The following TDRD1 variants were observed in gnomAD, a reference collection of about 807,000 sequenced individuals.
The protein encoded by TDRD1 is tudor domain-containing protein 1.
In TDRD1, 37 loss-of-function variants were observed where a neutral mutation model predicts 140.6. The observed-to-expected ratio is 0.26, with a 90% CI of 0.20 to 0.35. The LOEUF (loss-of-function observed/expected upper bound fraction) is 0.35, where lower values mean the gene tolerates loss of function less well. Among genes scored for constraint, TDRD1 ranks in the 10% least tolerant of loss-of-function variants. The pLI, the probability that TDRD1 is intolerant of heterozygous loss-of-function variation, is 1.00. For synonymous variants in TDRD1, 506 were observed against 475.7 expected (o/e 1.06, Z -0.83); for missense variants, 1,243 against 1,393.0 (o/e 0.89, Z 1.71).
chr10:114,227,671 C>G (rs570651404), intron 23 of TDRD1, among the ~76,000 whole-genome samples: 4 of 152,196 alleles, frequency 2.6e-5, no homozygotes, highest in Non-Finnish European at 4.4e-5. Flanking sequence ...ATTTGACAGA[C>G]CTGGCCTCAA....
intron 15 of TDRD1, 142 bp from the exon 16 acceptor site, chr10:114,213,835 C>G: frequency 2.7e-6 from 2 of 748,910 alleles, no homozygotes; most frequent in Non-Finnish European, 2.1e-6. Context: ...TATTGTAAGA[C>G]TGACTTTACG....
intron 11 of TDRD1, among the ~76,000 whole-genome samples, chr10:114,209,405 C>T (rs2035339080): frequency 6.6e-6 from 1 of 152,188 alleles, no homozygotes; most frequent in Non-Finnish European, 1.5e-5. Flanking sequence ...CAGTTTAGTG[C>T]TCTTTCCACC....
rs1183488256 is a variant in TDRD1, at chr10:114,227,935, C to T, written c.3429C>T (p.Cys1143=). The T allele has an allele frequency of 1.9e-6, 3 of 1,613,694 alleles. No homozygotes were observed. The Admixed American group carries it at 5.0e-5, about 27-fold the overall frequency. Residue 1143 remains cysteine (C), a synonymous_variant, in exon 24 of 26, where the codon TGC becomes TGT. Coordinates refer to ENST00000251864, the Ensembl canonical transcript of TDRD1. ...AAAAGATGTATAGGATGAATTGCTG[C>T]TGCACAGAGTTACAGAAACAAGTAG...
rs777657759 is a variant in TDRD1 at position 114,203,196 on chromosome 10, C to T, written c.801+20C>T. 1.9e-6 allele frequency: 3 copies of T among 1,566,786 alleles called. No homozygotes were observed. Among genetic ancestry groups the T allele is most frequent in the South Asian group, 1.1e-5 (1 of 89,900 alleles). On this transcript the variant is annotated intron_variant, in intron 7 of 25. Transcript: ENST00000251864. ...ATAAAGGTATTTGTTTTTCTTCAATCTCCATAGACACAGATCCAGAGAACT... is the reference window on the plus strand; with the variant it reads ...ATAAAGGTATTTGTTTTTCTTCAATTTCCATAGACACAGATCCAGAGAACT...
intron 18 of TDRD1, 112 bp from the exon 19 acceptor site, chr10:114,220,456 T>G: frequency 1.4e-6 from 1 of 691,796 alleles, no homozygotes; most frequent in Non-Finnish European, 2.5e-6. Flanking sequence ...TTGAAGATAC[T>G]GAGAATTGCT....
chr10:114,193,621 A>G (rs544299643), intron 3 of TDRD1, among the ~76,000 whole-genome samples: 2 of 152,006 alleles, frequency 1.3e-5, no homozygotes, highest in Non-Finnish European at 2.9e-5. Context: ...GATCCCTTGC[A>G]GTTTTCTACA....
intron 8 of TDRD1, 127 bp downstream of exon 8, chr10:114,203,694 C>T (rs2034914711): frequency 1.3e-6 from 1 of 795,308 alleles, no homozygotes; most frequent in Non-Finnish European, 1.9e-6. Context: ...TTCTATTCCT[C>T]TTCAGTATCC....
intron 3 of TDRD1, among the ~76,000 whole-genome samples, chr10:114,197,234 C>G (rs2034426981): frequency 6.6e-6 from 1 of 152,104 alleles, no homozygotes; most frequent in Non-Finnish European, 1.5e-5. Flanking sequence ...TGTAGTCCCA[C>G]AGGTCCCTGA....
intron 11 of TDRD1, among the ~76,000 whole-genome samples, chr10:114,206,611 G>GTTTTTTTTT (rs33936742): frequency 9.4e-6 from 1 of 105,992 alleles, no homozygotes; most frequent in Non-Finnish European, 2.0e-5. Flanking sequence ...GTTAGGGTTT[G>GTTTTTTTTT]TTTTTTTTTT....
rs75458984 is a variant in TDRD1, at chr10:114,195,549, T to C, written c.385-3624T>C. 4.1e-3 allele frequency among the ~76,000 whole-genome samples: 620 copies of C among 152,338 alleles called. 4 individuals are homozygous for C. The highest frequency in any genetic ancestry group is 0.014 in the African/African-American group (572 of 41,580). ...TGTTGGGTTGACTCTTTTGTCATCA[T>C]AATGTCCCTCTCTCTGGTAATTTTC... is the stretch of plus-strand genomic sequence containing the variant. On this transcript the variant is annotated intron_variant, in intron 3 of 25. Coordinates refer to ENST00000251864, the Ensembl canonical transcript of TDRD1.
chr10:114,206,152 G>GT, intron 10 of TDRD1, 92 bp from the exon 11 acceptor site: 1 of 939,930 alleles, frequency 1.1e-6, no homozygotes, highest in Non-Finnish European at 1.7e-6. Context: ...ATGAACGTGT[G>GT]TTGTATGATT....
At chr10:114,189,256 TAATGA>T (rs1309428222) in intron 2 of TDRD1, among the ~76,000 whole-genome samples, 1 of 152,202 alleles carries the variant, frequency 6.6e-6, no homozygotes, top group Non-Finnish European at 1.5e-5. Context: ...AGTATTTGTG[TAATGA>T]AATGGGAATT....
chr10:114,226,085 C>T (rs748661831), exon 22 of TDRD1: 1 of 1,613,980 alleles, frequency 6.2e-7, no homozygotes, highest in Admixed American at 1.7e-5. Context: ...GTTCTGGGGA[C>T]ATCAGACACT....
At chr10:114,207,301 TCTAC>T (rs1174572112) in intron 11 of TDRD1, among the ~76,000 whole-genome samples, 1 of 152,220 alleles carries the variant, frequency 6.6e-6, no homozygotes, top group Admixed American at 6.5e-5. Context: ...CATCCTTAAA[TCTAC>T]CTTCTTACCT....
At chr10:114,217,189 C>A (rs1254725030) in intron 16 of TDRD1, among the ~76,000 whole-genome samples, 1 of 152,178 alleles carries the variant, frequency 6.6e-6, no homozygotes, top group African/African-American at 2.4e-5. Flanking sequence ...CCTGTGCCAT[C>A]CATTTAGTGA....
chr10:114,189,900 A>G (rs565825220), intron 2 of TDRD1, among the ~76,000 whole-genome samples: 1 of 152,384 alleles, frequency 6.6e-6, no homozygotes, highest in African/African-American at 2.4e-5. Flanking sequence ...GTGCGGGATA[A>G]TCAGTGAATT....
At chr10:114,228,936 A>G (rs1177381253) in intron 25 of TDRD1, 1 of 228,928 alleles carries the variant, frequency 4.4e-6, no homozygotes, top group African/African-American at 2.3e-5. Flanking sequence ...ATACAAAATT[A>G]GCTGGGCATG....
chr10:114,203,989 G>C, intron 8 of TDRD1, 84 bp from the exon 9 acceptor site: 1 of 1,503,538 alleles, frequency 6.7e-7, no homozygotes, highest in Non-Finnish European at 8.9e-7. Context: ...TCCTTTGCAC[G>C]TTCTATAGAT....
chr10:114,213,374 T>A, exon 15 of TDRD1: 1 of 1,613,640 alleles, frequency 6.2e-7, no homozygotes, highest in Non-Finnish European at 8.5e-7. Context: ...GAATTTGGAC[T>A]CCAGAAGCTA....
Sources: gnomAD v4.1 joint callset for allele counts (sites outside exome capture counted in the v4.1 genomes callset) on GRCh38, gnomAD v4.1.1 for gene constraint, MANE v1.5 for transcripts, NCBI Gene and HGNC (gene_info 2026-07-23, HGNC 2026-07-21) for gene names.